RFX4: variants seen among roughly 807,000 people sequenced by gnomAD.
The protein encoded by RFX4 is transcription factor RFX4.
RFX4 carries 10 observed loss-of-function variants against 95.0 expected under a neutral mutation model. The ratio of observed to expected loss-of-function variants is 0.11; its 90% confidence interval spans 0.06 to 0.18. RFX4 has a LOEUF of 0.18. RFX4 is among the 10% of genes least tolerant of loss of function. The probability of loss-of-function intolerance (pLI) is 1.00; values close to 1 mark genes in which losing one functional copy is unlikely to be tolerated. For missense variants in RFX4, 640 were observed against 922.0 expected, an observed-to-expected ratio of 0.69 and a Z score of 3.96; for synonymous variants, 321 against 340.7, an observed-to-expected ratio of 0.94 and a Z score of 0.64.
chr12:106,731,250 A>G (rs983729704), intron 13 of RFX4, among the ~76,000 whole-genome samples: 3 of 152,206 alleles, frequency 2.0e-5, no homozygotes, highest in Non-Finnish European at 4.4e-5. Flanking sequence ...AAGGTGCACC[A>G]TTCCACTGTG....
chr12:106,721,966 T>C (rs1781413537), intron 13 of RFX4, among the ~76,000 whole-genome samples: 1 of 152,238 alleles, frequency 6.6e-6, no homozygotes, highest in African/African-American at 2.4e-5. Context: ...TTTACCCACT[T>C]GGAGAAGTGT....
intron 4 of RFX4, among the ~76,000 whole-genome samples, chr12:106,679,683 C>T (rs1254221428): frequency 6.6e-6 from 1 of 152,158 alleles, no homozygotes; most frequent in Non-Finnish European, 1.5e-5. Context: ...AATCCCCTGG[C>T]TCAATTTTTA....
chr12:106,673,163 G>A (rs1307281406), intron 4 of RFX4, among the ~76,000 whole-genome samples: 1 of 152,222 alleles, frequency 6.6e-6, no homozygotes, highest in Non-Finnish European at 1.5e-5. Context: ...CATGAAGGAT[G>A]GAAGTATAGA....
intron 1 of RFX4, among the ~76,000 whole-genome samples, chr12:106,596,500 A>G (rs911110718): frequency 2.0e-5 from 3 of 152,182 alleles, no homozygotes; most frequent in Non-Finnish European, 4.4e-5. Flanking sequence ...ATTTTATAGA[A>G]TTTGTTCTTC....
intron 9 of RFX4, 92 bp downstream of exon 9, chr12:106,709,522 G>A: frequency 6.9e-6 from 6 of 872,358 alleles, no homozygotes; most frequent in African/African-American, 1.7e-5. Flanking sequence ...AGCAGCTACT[G>A]TTTACTGGTT....
intron 1 of RFX4, among the ~76,000 whole-genome samples, chr12:106,607,053 C>G (rs1361272793): frequency 6.6e-6 from 1 of 152,134 alleles, no homozygotes; most frequent in Admixed American, 6.5e-5. Flanking sequence ...ATAACTTATG[C>G]AGAGGGCCTG....
intron 4 of RFX4, among the ~76,000 whole-genome samples, chr12:106,671,385 G>A (rs1188257366): frequency 6.6e-6 from 1 of 152,122 alleles, no homozygotes; most frequent in Non-Finnish European, 1.5e-5. Flanking sequence ...TGGCCTTCCT[G>A]GGTGGCTCTG....
At chr12:106,608,145 C>T (rs2039877408) in intron 1 of RFX4, among the ~76,000 whole-genome samples, 1 of 152,148 alleles carries the variant, frequency 6.6e-6, no homozygotes, top group South Asian at 2.1e-4. Flanking sequence ...GCCGAGATCA[C>T]GCCATTGCAC....
chr12:106,752,586 G>A (rs2136097277), intron 17 of RFX4, among the ~76,000 whole-genome samples: 1 of 152,228 alleles, frequency 6.6e-6, no homozygotes, highest in South Asian at 2.1e-4. Context: ...TCCTGGTGCA[G>A]ACCCTCATGG....
Position 106,703,099 on chromosome 12 carries a change from T to C in RFX4, c.834-6231T>C, listed in dbSNP as rs1427243701. 1.3e-5 allele frequency among the ~76,000 whole-genome samples: 2 copies of C among 152,226 alleles called. 1 individual carries two copies. The highest frequency in any genetic ancestry group is 2.9e-5 in the Non-Finnish European group (2 of 68,046). On this transcript the variant is annotated intron_variant, in intron 8 of 17. Transcript: ENST00000392842. The stretch of plus-strand genomic sequence containing the variant: ...GTTAGCAAAATTTATTTCACCCACT[T>C]GTATGTAACGCCCTGTTTTCTTCCC...
At chr12:106,594,342 C>T (rs1047902738) in intron 1 of RFX4, among the ~76,000 whole-genome samples, 2 of 152,190 alleles carry the variant, frequency 1.3e-5, no homozygotes, top group African/African-American at 4.8e-5. Flanking sequence ...GCTTTGGTCT[C>T]CGTGAACTTT....
chr12:106,711,861 C>T (rs1170679548), intron 10 of RFX4, among the ~76,000 whole-genome samples: 1 of 152,192 alleles, frequency 6.6e-6, no homozygotes, highest in Non-Finnish European at 1.5e-5. Context: ...TTCAAAGCCA[C>T]ATAATATATT....
At chr12:106,693,121 C>T in intron 7 of RFX4, 1 of 443,624 alleles carries the variant, frequency 2.3e-6, no homozygotes, top group South Asian at 1.6e-5. Context: ...AACACTGCAT[C>T]TGTCCATTTC....
chr12:106,709,434 A>G lies in RFX4; in HGVS notation c.934+4A>G. The G allele has an allele frequency of 6.2e-7, 1 of 1,608,016 alleles. No homozygotes were observed. The highest frequency in any genetic ancestry group is 2.2e-5 in the East Asian group (1 of 44,860). ...TTGCGAAACATCAAGTTCGAATGTA[A>G]GTACTGAGTTGAGAGCGGGATGGAA... On this transcript the variant is annotated splice_donor_region_variant and intron_variant, in intron 9 of 17. Transcript: ENST00000392842.
intron 1 of RFX4, among the ~76,000 whole-genome samples, chr12:106,596,535 A>G (rs1273516602): frequency 6.6e-6 from 1 of 152,242 alleles, no homozygotes; most frequent in Non-Finnish European, 1.5e-5. Context: ...TTTTGAGGCA[A>G]TATCTCATAA....
chr12:106,605,550 A>G (rs1354215562), intron 1 of RFX4, among the ~76,000 whole-genome samples: 1 of 152,192 alleles, frequency 6.6e-6, no homozygotes, highest in Non-Finnish European at 1.5e-5. Flanking sequence ...CCAGAACAAC[A>G]TAGGTGATGG....
rs549509305 is a variant in RFX4 at position 106,746,262 on chromosome 12, C to T, written c.1634-1175C>T. Among the ~76,000 whole-genome samples, 623 of 150,194 alleles carry T rather than the reference C, an allele frequency of 4.1e-3. 1 individual carries two copies. The highest frequency in any genetic ancestry group is 5.0e-3 in the Admixed American group (75 of 14,984). ...TCCCAGCTACTCAGGAGGCTGAGGC[C>T]GGAGAATCACTCGAACCCAGGAGGT... On this transcript the variant is annotated intron_variant, in intron 15 of 17. Transcript: ENST00000392842.
At chr12:106,693,207 C>A (rs1338539586) in intron 7 of RFX4, 2 of 320,840 alleles carry the variant, frequency 6.2e-6, no homozygotes, top group Non-Finnish European at 1.3e-5. Flanking sequence ...CCTGGAGGAA[C>A]AAGTATCATT....
At chr12:106,701,414 T>G (rs1348988827) in intron 8 of RFX4, among the ~76,000 whole-genome samples, 2 of 152,096 alleles carry the variant, frequency 1.3e-5, no homozygotes, top group Non-Finnish European at 2.9e-5. Flanking sequence ...TGTGCTTTGA[T>G]GTATTTCATT....
Sources: gnomAD v4.1 joint callset for allele counts (sites outside exome capture counted in the v4.1 genomes callset) on GRCh38, gnomAD v4.1.1 for gene constraint, MANE v1.5 for transcripts, NCBI Gene and HGNC (gene_info 2026-07-23, HGNC 2026-07-21) for gene names.